Variants in SHC2 observed in about 807,000 individuals in gnomAD.
SHC2 encodes SHC adaptor protein 2.
SHC2 carries 62 observed loss-of-function variants against 60.6 expected under a neutral mutation model. That is an observed-to-expected ratio of 1.02 (90% confidence interval 0.83 to 1.26). SHC2 has a LOEUF of 1.26. Ranked by LOEUF, SHC2 falls within the 50% of genes most tolerant of loss-of-function variation. SHC2 has a pLI of 0.00. For synonymous variants in SHC2, 375 were observed against 372.4 expected (o/e 1.01, Z -0.08); for missense variants, 873 against 822.2 (o/e 1.06, Z -0.76).
At chr19:460,041 G>C (rs535114063) in intron 1 of SHC2, among the ~76,000 whole-genome samples, 1 of 152,320 alleles carries the variant, frequency 6.6e-6, no homozygotes, top group African/African-American at 2.4e-5. Flanking sequence ...ATAAACAAAG[G>C]CCGCTTCCTT....
chr19:431,107 GC>G (rs1974576362), intron 8 of SHC2, among the ~76,000 whole-genome samples: 1 of 152,094 alleles, frequency 6.6e-6, no homozygotes, highest in African/African-American at 2.4e-5. Context: ...CCTCCGGACC[GC>G]CCTACAGAGT....
chr19:431,506 G>A (rs1429014882), intron 8 of SHC2, among the ~76,000 whole-genome samples: 23 of 42,064 alleles, frequency 5.5e-4, no homozygotes, highest in Non-Finnish European at 7.4e-4. Context: ...GCGCTTCATC[G>A]TGAGTGAGAT....
chr19:442,775 A>ATGGATGGATGGG (rs1362048794), intron 1 of SHC2, among the ~76,000 whole-genome samples: 1 of 71,530 alleles, frequency 1.4e-5, no homozygotes, highest in Non-Finnish European at 2.7e-5. Flanking sequence ...GGGTGGATGG[A>ATGGATGGATGGG]TGGATGGATG....
chr19:427,604 G>A (rs55751861), intron 9 of SHC2, among the ~76,000 whole-genome samples: 4 of 121,988 alleles, frequency 3.3e-5, no homozygotes, highest in South Asian at 3.4e-4. Flanking sequence ...ACGGCGCAGG[G>A]AAGGGGAATT....
chr19:441,138 A>G lies in SHC2; in HGVS notation c.469-206T>C, dbSNP rs1974855749. ...CGAGCCGCCCCCTCTGACTCCAGGC[A>G]TGTTTTTCTGTGTTGCTGTTTCTCA... On this transcript the variant is annotated intron_variant, in intron 1 of 12. Coordinates refer to ENST00000264554, the MANE Select transcript of SHC2 (RefSeq NM_012435.3). The surrounding 1 kb of genome is among the most constrained non-coding windows in gnomAD (Gnocchi z 4.9). 1 of 985,048 alleles carries G rather than the reference A, an allele frequency of 1.0e-6. No homozygotes were observed. Among genetic ancestry groups the G allele is most frequent in the South Asian group, 4.7e-5 (1 of 21,244 alleles). The allele number at this position is 985,048 out of a possible 1,614,324, so 61.0% of individuals were successfully genotyped here.
At position 434,825 on chromosome 19, in the gene SHC2, C is replaced by G. The variant is rs762989921; in HGVS notation, c.994G>C (p.Asp332His). The G allele has an allele frequency of 6.2e-7, 1 of 1,612,410 alleles. No homozygotes were observed. Among genetic ancestry groups the G allele is most frequent in the South Asian group, 1.1e-5 (1 of 91,082 alleles). ...TTGTAGTAATTGTGCTCCAAAGAGT[C>G]CTCCTCGTCCCCCCAGGCCGACTCC... The part of the protein sequence containing the change: ...PEESAWGDEE[D>H]SLEHNYYNSI... Residue 332 changes from aspartate (D) to histidine (H), a missense_variant, in exon 8 of 13, where the codon GAC becomes CAC. Physicochemically the swap from Asp to His is moderately conservative, Grantham distance 81. Coordinates refer to ENST00000264554, the MANE Select transcript of SHC2 (RefSeq NM_012435.3).
At chr19:447,879 A>C (rs568900149) in intron 1 of SHC2, among the ~76,000 whole-genome samples, 1 of 152,364 alleles carries the variant, frequency 6.6e-6, no homozygotes, top group Non-Finnish European at 1.5e-5. Flanking sequence ...TAAAATGAAA[A>C]GTGTCCATTC....
chr19:426,925 G>A (rs895953830), intron 9 of SHC2, among the ~76,000 whole-genome samples: 10 of 152,178 alleles, frequency 6.6e-5, no homozygotes, highest in East Asian at 1.9e-4. Context: ...CCCTGGACCC[G>A]CGCTATGGGC....
chr19:430,390 T>C (rs1196400404), intron 9 of SHC2, among the ~76,000 whole-genome samples: 1 of 151,630 alleles, frequency 6.6e-6, no homozygotes, highest in African/African-American at 2.4e-5. Flanking sequence ...ATATCCAACA[T>C]GCATGGACAC....
intron 12 of SHC2, among the ~76,000 whole-genome samples, chr19:418,377 A>G (rs1190419273): frequency 2.6e-5 from 4 of 152,280 alleles, no homozygotes; most frequent in Non-Finnish European, 5.9e-5. Flanking sequence ...CCTCGGGCAC[A>G]TATCCACCCA....
rs769279154 is a variant in SHC2, at chr19:440,391, G to A, written c.539+471C>T. On this transcript the variant is annotated intron_variant, in intron 2 of 12. Transcript: ENST00000264554. The surrounding 1 kb of genome is among the most constrained non-coding windows in gnomAD (Gnocchi z 7.0). ...TCACATGGTTTTTTTAAGTCTATAC[G>A]AATGGAATCAACCAGTTTTCACAGA... 1.3e-5 allele frequency among the ~76,000 whole-genome samples: 2 copies of A among 152,056 alleles called. No homozygotes were observed. Among genetic ancestry groups the A allele is most frequent in the Non-Finnish European group, 2.9e-5 (2 of 68,016 alleles).
rs561822528 is a variant in SHC2 at position 445,763 on chromosome 19, G to A, written c.469-4831C>T. Among the ~76,000 whole-genome samples the A allele has an allele frequency of 2.6e-5, 4 of 152,274 alleles. No individual in the cohort carries two copies. In the South Asian group the frequency reaches 8.3e-4, roughly 32 times the overall value. On this transcript the variant is annotated intron_variant, in intron 1 of 12. Transcript: ENST00000264554. The surrounding 1 kb of genome is among the most constrained non-coding windows in gnomAD (Gnocchi z 4.4). ...AAAAAACACATTTTTGCCGGGCGCG[G>A]TGGCTCACGCCTGTAATCCCAGCAC...
chr19:425,023 G>C lies in SHC2; in HGVS notation c.1309+74C>G, dbSNP rs2145694603. On this transcript the variant is annotated intron_variant, in intron 10 of 12. Transcript: ENST00000264554. The surrounding 1 kb of genome is among the most constrained non-coding windows in gnomAD (Gnocchi z 4.1). ...GACCAGGGAATCCCGTAGGGAGTGG[G>C]GGTGGGGTTGTGCCTCCCCCATCAG... 1 of 1,308,952 alleles carries C rather than the reference G, an allele frequency of 7.6e-7. No homozygotes were observed. Among genetic ancestry groups the C allele is most frequent in the East Asian group, 2.8e-5 (1 of 35,662 alleles). The allele number at this position is 1,308,952 out of a possible 1,614,324, so 81.1% of individuals were successfully genotyped here.
In SHC2 at chr19:438,782, C is replaced by A. The variant is rs993293087; in HGVS notation, c.656G>T (p.Gly219Val). The A allele has an allele frequency of 2.5e-6, 4 of 1,575,554 alleles. No homozygotes were observed. The African/African-American group carries it at 5.4e-5, about 21-fold the overall frequency. ...GGAGATGTGGATGGAGATGCTCATG[C>A]CGGCAAAGCGAAGGTTGCTCTTGCC... ...VLGKSNLRFA[G>V]MSISIHISTD... The change falls in exon 4 of 13, where the codon GGC becomes GTC. Residue 219 changes from glycine (G) to valine (V), a missense_variant. Coordinates refer to ENST00000264554, the MANE Select transcript of SHC2 (RefSeq NM_012435.3). The surrounding 1 kb of genome is among the most constrained non-coding windows in gnomAD (Gnocchi z 5.0).
At chr19:423,817 G>A (rs550160069) in intron 10 of SHC2, among the ~76,000 whole-genome samples, 34 of 152,334 alleles carry the variant, frequency 2.2e-4, no homozygotes, top group African/African-American at 7.9e-4. Flanking sequence ...CTTCGTGGAG[G>A]ACGGACGAGA....
At position 457,192 on chromosome 19, in the gene SHC2, T is replaced by G. The variant is rs557816501; in HGVS notation, c.468+3337A>C. Among the ~76,000 whole-genome samples the G allele has an allele frequency of 4.0e-5, 5 of 124,850 alleles. 1 individual carries two copies. The highest frequency in any genetic ancestry group is 8.3e-5 in the Non-Finnish European group (5 of 60,278). 81.9% of individuals were successfully genotyped at this position (124,850 alleles called of 152,430 possible). A position where few individuals can be genotyped will look rare whatever the true frequency, so the allele number is the denominator to read the frequency against. ...GCACCAGCACCTGCTGTGCCCCGAC[T>G]AGAACTCTGTCTGCAAACCCCACCA... On this transcript the variant is annotated intron_variant, in intron 1 of 12. Transcript: ENST00000264554.
rs762851333 is a variant in SHC2 at position 460,531 on chromosome 19, G to C, written c.466C>G (p.Arg156Gly). 1.5e-6 allele frequency: 2 copies of C among 1,352,200 alleles called. No individual in the cohort carries two copies. Among genetic ancestry groups the C allele is most frequent in the Non-Finnish European group, 1.9e-6 (2 of 1,045,932 alleles). The allele number at this position is 1,352,200 out of a possible 1,614,324, so 83.8% of individuals were successfully genotyped here. A position where few individuals can be genotyped will look rare whatever the true frequency, so the allele number is the denominator to read the frequency against. Reference protein sequence around the residue: ...VLGPGVSYVVRYMGCIEVLRS... With the variant: ...VLGPGVSYVVGYMGCIEVLRS... ...CGGGGGGGGTGGGGGGGACTCACCC[G>C]CACGACGTAGGAGACCCCGGGCCCC... Residue 156 changes from arginine to glycine, a missense_variant and splice_region_variant, in exon 1 of 13, where the codon CGG becomes GGG. Physicochemically the swap from Arg to Gly is moderately radical, Grantham distance 125 (BLOSUM62 -2). Transcript: ENST00000264554.
At chr19:457,232 A>C (rs55835330) in intron 1 of SHC2, among the ~76,000 whole-genome samples, 2 of 101,000 alleles carry the variant, frequency 2.0e-5, no homozygotes, top group Non-Finnish European at 2.0e-5. Flanking sequence ...AGGCCTTTGC[A>C]CCTGCACCTG....
chr19:456,968 T>A (rs567546569), intron 1 of SHC2, among the ~76,000 whole-genome samples: 2 of 127,984 alleles, frequency 1.6e-5, no homozygotes, highest in Non-Finnish European at 3.1e-5. Context: ...GTCTGTAAAC[T>A]CCACAGTCAG....
Sources: gnomAD v4.1 joint callset for allele counts (sites outside exome capture counted in the v4.1 genomes callset) on GRCh38, gnomAD v4.1.1 for gene constraint, Gnocchi (gnomAD v3.1) non-coding constraint, MANE v1.5 for transcripts, NCBI Gene and HGNC (gene_info 2026-07-23, HGNC 2026-07-21) for gene names.